GSK3B: variants seen among roughly 807,000 people sequenced by gnomAD.
The protein encoded by GSK3B is glycogen synthase kinase 3 beta, also known as glycogen synthase kinase-3 beta.
Under a neutral mutation model 56.4 loss-of-function variants are expected in GSK3B, and 15 were observed. The ratio of observed to expected loss-of-function variants is 0.27; its 90% confidence interval spans 0.18 to 0.41. The LOEUF (loss-of-function observed/expected upper bound fraction) is 0.41. Ranked by LOEUF, GSK3B falls within the 10% of genes least tolerant of loss-of-function variation. The pLI, the probability that GSK3B is intolerant of heterozygous loss-of-function variation, is 1.00. For synonymous variants in GSK3B, 181 were observed against 188.9 expected (o/e 0.96, Z 0.34); for missense variants, 300 against 513.4 (o/e 0.58, Z 4.02).
At chr3:119,889,293 C>T (rs2056475351) in intron 7 of GSK3B, among the ~76,000 whole-genome samples, 1 of 152,028 alleles carries the variant, frequency 6.6e-6, no homozygotes, top group African/African-American at 2.4e-5. Flanking sequence ...TCTCAGCCAG[C>T]CGACACTCAT....
At chr3:120,010,734 G>A (rs1263551783) in intron 1 of GSK3B, among the ~76,000 whole-genome samples, 1 of 152,094 alleles carries the variant, frequency 6.6e-6, no homozygotes, top group Non-Finnish European at 1.5e-5. Context: ...TTTGGCCTGG[G>A]TGACAAAGGG....
At chr3:119,963,716 G>C (rs2057294723) in intron 2 of GSK3B, among the ~76,000 whole-genome samples, 1 of 148,452 alleles carries the variant, frequency 6.7e-6, no homozygotes, top group Non-Finnish European at 1.5e-5. Flanking sequence ...AGAAAATCCA[G>C]AAATAAAGTC....
Position 119,825,097 on chromosome 3 carries a change from G to C in GSK3B, c.*1691C>G, listed in dbSNP as rs963649284. 1 of 200,980 alleles carries C rather than the reference G, an allele frequency of 5.0e-6. No individual in the cohort carries two copies. Among genetic ancestry groups the C allele is most frequent in the Non-Finnish European group, 1.0e-5 (1 of 97,588 alleles). 12.4% of individuals were successfully genotyped at this position (200,980 alleles called of 1,614,324 possible). On this transcript the variant is annotated 3_prime_UTR_variant, in exon 11 of 11. Transcript: ENST00000264235. ...CTTGGAAGGCATGTGGGGAAGGAGC[G>C]GGTAGGAGGGAAAGGCGGCCATCAC...
At chr3:119,874,621 A>C (rs764243062) in intron 8 of GSK3B, among the ~76,000 whole-genome samples, 3 of 152,004 alleles carry the variant, frequency 2.0e-5, no homozygotes, top group Non-Finnish European at 2.9e-5. Context: ...CAGAAACTCT[A>C]TAAGGAGGAT....
chr3:120,041,464 A>T (rs2058064684), intron 1 of GSK3B: 1 of 258,636 alleles, frequency 3.9e-6, no homozygotes, highest in Admixed American at 3.8e-5. Context: ...GACTTCTATA[A>T]GGAAATCCTC....
At chr3:119,883,290 T>G (rs1348381652) in intron 7 of GSK3B, among the ~76,000 whole-genome samples, 1 of 152,126 alleles carries the variant, frequency 6.6e-6, no homozygotes, top group African/African-American at 2.4e-5. Flanking sequence ...TGAAGAATAT[T>G]TTATTATGAC....
chr3:119,909,943 C>G (rs1429793255), intron 6 of GSK3B, among the ~76,000 whole-genome samples: 3 of 152,204 alleles, frequency 2.0e-5, no homozygotes, highest in African/African-American at 4.8e-5. Flanking sequence ...CATACTTCTG[C>G]AGAATCAGTG....
chr3:119,922,534 A>ATTATTT (rs144129613), intron 4 of GSK3B, among the ~76,000 whole-genome samples: 2,241 of 149,158 alleles, frequency 0.015, 52 homozygotes, highest in African/African-American at 0.05. Flanking sequence ...TATTATTATT[A>ATTATTT]TTATTATTAG....
rs541870597 is a variant in GSK3B, at chr3:120,061,632, T to G, written c.88+31715A>C. Among the ~76,000 whole-genome samples the G allele has an allele frequency of 1.8e-4, 28 of 152,336 alleles. No individual in the cohort carries two copies. The South Asian group carries it at 2.5e-3, about 14-fold the overall frequency. ...ATAAACAGTCAGGTATATCTAAGTT[T>G]GTGGGCATACCCTTAATTTATTTTA... On this transcript the variant is annotated intron_variant, in intron 1 of 10. Transcript: ENST00000264235.
chr3:119,831,461 T>A (rs2055597250), intron 10 of GSK3B, among the ~76,000 whole-genome samples: 1 of 151,904 alleles, frequency 6.6e-6, no homozygotes, highest in South Asian at 2.1e-4. Flanking sequence ...ATAGAGACCA[T>A]CCTGGCTAAC....
chr3:119,927,880 A>T (rs1341131867), intron 3 of GSK3B, among the ~76,000 whole-genome samples: 2 of 152,238 alleles, frequency 1.3e-5, no homozygotes, highest in Non-Finnish European at 2.9e-5. Context: ...AAAAGAAAGC[A>T]AGGAAAGATT....
intron 1 of GSK3B, among the ~76,000 whole-genome samples, chr3:120,072,501 C>T (rs1418584579): frequency 6.6e-6 from 1 of 152,050 alleles, no homozygotes; most frequent in Non-Finnish European, 1.5e-5. Flanking sequence ...GCAGGAGAAT[C>T]GCTTGAACCT....
At chr3:120,036,723 G>T (rs1418781895) in intron 1 of GSK3B, among the ~76,000 whole-genome samples, 2 of 142,374 alleles carry the variant, frequency 1.4e-5, no homozygotes, top group African/African-American at 5.5e-5. Context: ...AACCCGGGAG[G>T]CAGAAGTTGC....
intron 1 of GSK3B, among the ~76,000 whole-genome samples, chr3:120,028,365 G>A (rs1297435160): frequency 3.9e-5 from 6 of 152,168 alleles, no homozygotes; most frequent in Non-Finnish European, 7.3e-5. Context: ...TTTACCTCAC[G>A]AGAAACTAGT....
chr3:119,900,183 T>A (rs1474909199), intron 7 of GSK3B, among the ~76,000 whole-genome samples: 1 of 152,086 alleles, frequency 6.6e-6, no homozygotes, highest in East Asian at 1.9e-4. Context: ...ATATATTTAA[T>A]GTCAAGCTTT....
At position 119,826,160 on chromosome 3, in the gene GSK3B, C is replaced by T. The variant is rs2055501941; in HGVS notation, c.*628G>A. 4.7e-5 allele frequency: 12 copies of T among 254,554 alleles called. No homozygotes were observed. The highest frequency in any genetic ancestry group is 9.1e-5 in the Non-Finnish European group (12 of 132,300). 15.8% of individuals were successfully genotyped at this position (254,554 alleles called of 1,614,324 possible). Reference sequence around the variant, plus strand: ...TTAACAAATCTACTAAGAATCTTCCCTGTAGAGTTCCAAACTTTATTGACC... The same window carrying T: ...TTAACAAATCTACTAAGAATCTTCCTTGTAGAGTTCCAAACTTTATTGACC... On this transcript the variant is annotated 3_prime_UTR_variant, in exon 11 of 11. Coordinates refer to ENST00000264235, the MANE Select transcript of GSK3B (RefSeq NM_001146156.2).
At chr3:120,060,519 G>A (rs1469925228) in intron 1 of GSK3B, among the ~76,000 whole-genome samples, 3 of 152,094 alleles carry the variant, frequency 2.0e-5, no homozygotes, top group African/African-American at 7.2e-5. Flanking sequence ...TGGAGCCCAG[G>A]AGGTCAAGAA....
At chr3:120,070,152 G>T (rs1291789009) in intron 1 of GSK3B, among the ~76,000 whole-genome samples, 1 of 151,762 alleles carries the variant, frequency 6.6e-6, no homozygotes, top group Non-Finnish European at 1.5e-5. Flanking sequence ...GGTGGAAGCT[G>T]CAGTGAGCCG....
intron 8 of GSK3B, among the ~76,000 whole-genome samples, chr3:119,874,349 C>G (rs1462249005): frequency 6.6e-6 from 1 of 151,900 alleles, no homozygotes; most frequent in Non-Finnish European, 1.5e-5. Context: ...AAATTAGGCA[C>G]AGTAAGAGGT....
Sources: gnomAD v4.1 joint callset for allele counts (sites outside exome capture counted in the v4.1 genomes callset) on GRCh38, gnomAD v4.1.1 for gene constraint, MANE v1.5 for transcripts, NCBI Gene and HGNC (gene_info 2026-07-23, HGNC 2026-07-21) for gene names.